The following ANAPC1 variants were observed in gnomAD, a reference collection of about 807,000 sequenced individuals.
ANAPC1 encodes anaphase-promoting complex subunit 1.
ANAPC1 carries 36 observed loss-of-function variants against 208.0 expected under a neutral mutation model. That is an observed-to-expected ratio of 0.17 (90% confidence interval 0.13 to 0.23). The LOEUF (loss-of-function observed/expected upper bound fraction) is 0.23, where lower values mean the gene tolerates loss of function less well. Among genes scored for constraint, ANAPC1 ranks in the 10% least tolerant of loss-of-function variants. ANAPC1 has a pLI of 1.00. For synonymous variants in ANAPC1, 378 were observed against 695.2 expected (o/e 0.54, Z 7.18); for missense variants, 942 against 2,011.6 (o/e 0.47, Z 10.17).
At chr2:111,820,803 C>T (rs1335290575) in intron 26 of ANAPC1, among the ~76,000 whole-genome samples, 2 of 149,166 alleles carry the variant, frequency 1.3e-5, no homozygotes, top group African/African-American at 4.9e-5. Context: ...TATCATCTAT[C>T]ATATCCAAAA....
Position 111,791,003 on chromosome 2 carries a change from T to G in ANAPC1, c.4712+1359A>C, listed in dbSNP as rs1206931758. ...TCTGGAGATTGGTTGCACGGCAGTGTGAATATAATTAACACTACTTAATTG... is the reference window on the plus strand; with the variant it reads ...TCTGGAGATTGGTTGCACGGCAGTGGGAATATAATTAACACTACTTAATTG... On this transcript the variant is annotated intron_variant, in intron 38 of 47. Transcript: ENST00000341068. 5.3e-5 allele frequency among the ~76,000 whole-genome samples: 8 copies of G among 152,350 alleles called. No individual in the cohort carries two copies. In the East Asian group the frequency reaches 1.5e-3, roughly 29 times the overall value.
chr2:111,882,514 G>A (rs1258745081), intron 1 of ANAPC1, among the ~76,000 whole-genome samples: 4 of 151,574 alleles, frequency 2.6e-5, no homozygotes, highest in Non-Finnish European at 5.9e-5. Flanking sequence ...AGGATCACCT[G>A]AGGTCAGGAG....
chr2:111,781,214 G>A (rs1208622308), intron 43 of ANAPC1, among the ~76,000 whole-genome samples: 29 of 147,870 alleles, frequency 2.0e-4, no homozygotes, highest in Middle Eastern at 7.0e-3. Context: ...GCAGGAAATA[G>A]AAATAGCTTT....
intron 20 of ANAPC1, among the ~76,000 whole-genome samples, chr2:111,832,151 G>A (rs1052700411): frequency 3.1e-4 from 47 of 151,098 alleles, no homozygotes; most frequent in African/African-American, 1.1e-3. Flanking sequence ...AAATTAGCCA[G>A]GCGTGGTGGC....
chr2:111,801,336 C>A (rs2685991), intron 33 of ANAPC1, among the ~76,000 whole-genome samples: 31,608 of 138,450 alleles, frequency 0.23, 3,670 homozygotes, highest in Middle Eastern at 0.32. Context: ...CAGCCTGGGC[C>A]ACAGAGTGAG....
At chr2:111,791,847 T>G (rs925597132) in intron 38 of ANAPC1, among the ~76,000 whole-genome samples, 1 of 149,962 alleles carries the variant, frequency 6.7e-6, no homozygotes, top group East Asian at 2.0e-4. Flanking sequence ...ACAAAGAGAT[T>G]TTTCTGTGGT....
intron 7 of ANAPC1, 61 bp downstream of exon 7, chr2:111,867,962 C>A (rs545882042): frequency 1.7e-5 from 19 of 1,117,228 alleles, no homozygotes; most frequent in Non-Finnish European, 2.2e-5. Flanking sequence ...GCCTTTATAA[C>A]CTCCCTCACC....
At chr2:111,872,894 T>A in intron 5 of ANAPC1, 182 bp from the exon 6 acceptor site, 1 of 582,394 alleles carries the variant, frequency 1.7e-6, no homozygotes, top group Non-Finnish European at 3.1e-6. Flanking sequence ...TAAGATAAAA[T>A]CAAATCTAAT....
intron 20 of ANAPC1, among the ~76,000 whole-genome samples, chr2:111,831,923 T>C (rs951263024): frequency 7.4e-5 from 11 of 148,692 alleles, no homozygotes; most frequent in Non-Finnish European, 1.6e-4. Flanking sequence ...TTATTAAATG[T>C]AGAATTTAAA....
chr2:111,829,699 T>A (rs1284541962), intron 21 of ANAPC1, among the ~76,000 whole-genome samples: 1 of 148,486 alleles, frequency 6.7e-6, no homozygotes, highest in African/African-American at 2.4e-5. Flanking sequence ...CAAAAAATAA[T>A]AAAAATAAAT....
chr2:111,881,858 G>T (rs1252168268), intron 1 of ANAPC1, among the ~76,000 whole-genome samples: 7 of 152,140 alleles, frequency 4.6e-5, no homozygotes, highest in African/African-American at 1.7e-4. Context: ...TTCATTCTCT[G>T]ACCAATCAAT....
chr2:111,859,970 G>A (rs1469955489), intron 10 of ANAPC1, among the ~76,000 whole-genome samples: 1 of 152,004 alleles, frequency 6.6e-6, no homozygotes, highest in Non-Finnish European at 1.5e-5. Context: ...TTCTCAATTC[G>A]ACTGGATATA....
chr2:111,794,644 C>T (rs941932597), intron 35 of ANAPC1, among the ~76,000 whole-genome samples, 174 bp downstream of exon 35: 1 of 152,126 alleles, frequency 6.6e-6, no homozygotes, highest in Non-Finnish European at 1.5e-5. Flanking sequence ...AGGGCAAGAG[C>T]TCTATACTTC....
chr2:111,792,229 G>A (rs1186006294), intron 38 of ANAPC1, 133 bp downstream of exon 38: 3 of 607,820 alleles, frequency 4.9e-6, no homozygotes, highest in Middle Eastern at 4.6e-4. Context: ...CCATCAAGTC[G>A]AATAATGCTG....
At position 111,867,561 on chromosome 2, in the gene ANAPC1, G is replaced by A. The variant is rs369642105; in HGVS notation, c.685+462C>T. On this transcript the variant is annotated intron_variant, in intron 7 of 47. Coordinates refer to ENST00000341068, the MANE Select transcript of ANAPC1 (RefSeq NM_022662.4). ...TAAAAAATTAGCCAGGCATGGTGGC[G>A]TGTGCCTGTAATCCCAGCTACTCGG... is the stretch of plus-strand genomic sequence containing the variant. Among the ~76,000 whole-genome samples the A allele has an allele frequency of 2.5e-4, 38 of 149,220 alleles. 1 individual carries two copies. Among genetic ancestry groups the A allele is most frequent in the African/African-American group, 8.9e-4 (36 of 40,596 alleles).
chr2:111,858,667 C>T (rs1405234610), intron 10 of ANAPC1, among the ~76,000 whole-genome samples: 5 of 150,146 alleles, frequency 3.3e-5, no homozygotes, highest in Admixed American at 6.7e-5. Context: ...GAGGCTGAGG[C>T]GGGAGAATGG....
intron 14 of ANAPC1, among the ~76,000 whole-genome samples, chr2:111,849,665 T>C (rs1334484276): frequency 1.3e-5 from 2 of 151,928 alleles, no homozygotes; most frequent in Non-Finnish European, 2.9e-5. Context: ...ACAAAACCAA[T>C]CAGCTGACAA....
Position 111,858,316 on chromosome 2 carries a change from G to C in ANAPC1, c.1348C>G (p.Leu450Val). 6.2e-7 allele frequency: 1 copy of C among 1,613,192 alleles called. No homozygotes were observed. Among genetic ancestry groups the C allele is most frequent in the Non-Finnish European group, 8.5e-7 (1 of 1,179,428 alleles). The change falls in exon 11 of 48, where the codon CTC (leucine) becomes GTC (valine). Residue 450 changes from leucine (L) to valine (V), a missense_variant. By Grantham distance (32) the Leu-to-Val change is conservative (BLOSUM62 1). Coordinates refer to ENST00000341068, the MANE Select transcript of ANAPC1 (RefSeq NM_022662.4). ...AAGACATACACCTACCGTAACTGGA[G>C]CTGGGACTCTACTAAAAAGCACAGG... Reference protein sequence around the residue: ...KFLCFLVESQLQLRCVKFQES... With the variant: ...KFLCFLVESQVQLRCVKFQES...
Position 111,770,436 on chromosome 2 carries a change from T to C in ANAPC1, c.5720-1030A>G, listed in dbSNP as rs529946144. ...CTAGGTATGGTTTTCTTTGTATTTA[T>C]CCTGCTTAGGGTTCACTGTGGGTTA... On this transcript the variant is annotated intron_variant, in intron 47 of 47. Coordinates refer to ENST00000341068, the MANE Select transcript of ANAPC1 (RefSeq NM_022662.4). 3.8e-4 allele frequency among the ~76,000 whole-genome samples: 55 copies of C among 145,368 alleles called. 1 individual carries two copies. Among genetic ancestry groups the C allele is most frequent in the Non-Finnish European group, 7.1e-4 (48 of 67,380 alleles).
Sources: allele counts gnomAD v4.1 joint callset (sites outside exome capture counted in the v4.1 genomes callset), GRCh38; gene constraint gnomAD v4.1.1; transcripts MANE v1.5; gene names NCBI Gene and HGNC (gene_info 2026-07-23, HGNC 2026-07-21).